Variants in CSMD3 observed in about 807,000 individuals in gnomAD.
CSMD3 encodes the protein CUB and sushi domain-containing protein 3.
A neutral mutation model predicts 435.2 loss-of-function variants in CSMD3; 177 were observed. The observed-to-expected ratio is 0.41, with a 90% CI of 0.36 to 0.46. CSMD3 has a LOEUF of 0.46. CSMD3 is among the 20% of genes least tolerant of loss of function. CSMD3 has a pLI of 0.34. For synonymous variants in CSMD3, 1,656 were observed against 1,520.5 expected, an observed-to-expected ratio of 1.09 and a Z score of -2.07; for missense variants, 4,265 against 4,504.6, an observed-to-expected ratio of 0.95 and a Z score of 1.52.
At chr8:112,757,728 T>G (rs770762172) in intron 13 of CSMD3, among the ~76,000 whole-genome samples, 176 of 152,136 alleles carry the variant, frequency 1.2e-3, no homozygotes, top group Middle Eastern at 3.4e-3. Flanking sequence ...AATAAGAGAT[T>G]TTCAAGATTG....
chr8:112,365,472 T>G lies in CSMD3; in HGVS notation c.6137-12938A>C, dbSNP rs1170295745. ...AAAAAATTACGCATAGATTTCCTTT[T>G]TTTTTTTTTTTTTTTTTTTTACCAA... On this transcript the variant is annotated intron_variant, in intron 38 of 70. Coordinates refer to ENST00000297405, the MANE Select transcript of CSMD3 (RefSeq NM_198123.2). 6.4e-4 allele frequency among the ~76,000 whole-genome samples: 33 copies of G among 51,656 alleles called. 1 individual carries two copies. In the East Asian group the frequency reaches 9.5e-3, roughly 15 times the overall value. The allele number at this position is 51,656 out of a possible 152,430, so 33.9% of individuals were successfully genotyped here.
chr8:113,361,896 C>T (rs2094279806), intron 1 of CSMD3, among the ~76,000 whole-genome samples: 1 of 152,114 alleles, frequency 6.6e-6, no homozygotes, highest in Non-Finnish European at 1.5e-5. Flanking sequence ...ACCAATTTAG[C>T]TTATACTCAA....
At chr8:112,440,302 C>T (rs1225339215) in intron 32 of CSMD3, among the ~76,000 whole-genome samples, 1 of 152,186 alleles carries the variant, frequency 6.6e-6, no homozygotes, top group Non-Finnish European at 1.5e-5. Flanking sequence ...CTCCATGTCT[C>T]ACATCCAGGT....
intron 6 of CSMD3, among the ~76,000 whole-genome samples, chr8:112,988,708 G>A (rs1347689686): frequency 6.6e-6 from 1 of 151,860 alleles, no homozygotes; most frequent in Non-Finnish European, 1.5e-5. Flanking sequence ...TTTTTTCCCA[G>A]TCACACATCA....
chr8:112,255,806 C>A (rs1238615597), intron 61 of CSMD3: 3 of 257,146 alleles, frequency 1.2e-5, no homozygotes, highest in Non-Finnish European at 2.3e-5. Context: ...CAAAAAGAAG[C>A]AACCCATAAT....
chr8:112,852,430 G>A (rs555966575), intron 11 of CSMD3, among the ~76,000 whole-genome samples: 1 of 152,150 alleles, frequency 6.6e-6, no homozygotes, highest in Admixed American at 6.5e-5. Context: ...ACAAGAAAGG[G>A]ACTGCATGCT....
rs372441549 is a variant in CSMD3, at chr8:113,179,781, C to A, written c.515-5865G>T. Reference sequence around the variant, plus strand: ...GAGAACAAAATTTTTGTTATGGTTTCCTTGGATAAATGAAATAAAACTCTA... The same window carrying A: ...GAGAACAAAATTTTTGTTATGGTTTACTTGGATAAATGAAATAAAACTCTA... On this transcript the variant is annotated intron_variant, in intron 3 of 70. Coordinates refer to ENST00000297405, the MANE Select transcript of CSMD3 (RefSeq NM_198123.2). Among the ~76,000 whole-genome samples, 106 of 151,510 alleles carry A rather than the reference C, an allele frequency of 7.0e-4. No homozygotes were observed. The South Asian group carries it at 0.022, about 31-fold the overall frequency.
chr8:112,741,331 G>A (rs2077299489), intron 13 of CSMD3, among the ~76,000 whole-genome samples: 1 of 151,890 alleles, frequency 6.6e-6, no homozygotes, highest in South Asian at 2.1e-4. Flanking sequence ...ACATATTAGT[G>A]GCCAATGGGT....
intron 58 of CSMD3, among the ~76,000 whole-genome samples, chr8:112,281,798 C>T (rs1403019016): frequency 3.9e-5 from 6 of 152,050 alleles, no homozygotes; most frequent in Non-Finnish European, 8.8e-5. Context: ...ATATTGTAAG[C>T]ATCTATGTAT....
At chr8:112,406,756 T>C (rs771498344) in intron 34 of CSMD3, 29 bp from the exon 35 acceptor site, 4 of 1,366,300 alleles carry the variant, frequency 2.9e-6, no homozygotes, top group Non-Finnish European at 4.1e-6. Flanking sequence ...TTTATTTTAA[T>C]TTTATATGGT....
intron 5 of CSMD3, among the ~76,000 whole-genome samples, chr8:113,059,181 T>G (rs1375401287): frequency 6.6e-6 from 1 of 152,180 alleles, no homozygotes; most frequent in Non-Finnish European, 1.5e-5. Context: ...TGTAGGCATC[T>G]CAAAGCAATT....
chr8:112,449,421 A>G (rs1169221156), intron 32 of CSMD3, among the ~76,000 whole-genome samples: 1 of 151,938 alleles, frequency 6.6e-6, no homozygotes, highest in Non-Finnish European at 1.5e-5. Context: ...TCTGGGAGTG[A>G]GGTTGGGGGC....
intron 22 of CSMD3, among the ~76,000 whole-genome samples, chr8:112,618,703 T>A (rs1228149100): frequency 1.3e-5 from 2 of 152,016 alleles, no homozygotes; most frequent in African/African-American, 4.8e-5. Context: ...GTTGAAAATC[T>A]AGGCCAGAAC....
intron 5 of CSMD3, among the ~76,000 whole-genome samples, chr8:113,064,348 A>C (rs576466720): frequency 6.6e-6 from 1 of 152,164 alleles, no homozygotes; most frequent in South Asian, 2.1e-4. Flanking sequence ...CCATTTCATT[A>C]AAATATATAG....
At chr8:113,376,580 A>T (rs2094384571) in intron 1 of CSMD3, 1 of 732,458 alleles carries the variant, frequency 1.4e-6, no homozygotes, top group East Asian at 2.9e-5. Flanking sequence ...TAATATATAA[A>T]AAAATTGATA....
chr8:113,132,509 C>T (rs1168691033), intron 4 of CSMD3, among the ~76,000 whole-genome samples: 1 of 152,038 alleles, frequency 6.6e-6, no homozygotes, highest in Non-Finnish European at 1.5e-5. Context: ...CTTCCTCCTG[C>T]TCCACCACGC....
chr8:112,469,065 G>A (rs1162952172), intron 32 of CSMD3, among the ~76,000 whole-genome samples: 1 of 148,928 alleles, frequency 6.7e-6, no homozygotes, highest in Non-Finnish European at 1.5e-5. Flanking sequence ...GTAATATTAT[G>A]CACATATTTA....
At chr8:112,853,078 A>G (rs2080540544) in intron 11 of CSMD3, among the ~76,000 whole-genome samples, 2 of 152,162 alleles carry the variant, frequency 1.3e-5, no homozygotes, top group African/African-American at 4.8e-5. Flanking sequence ...TTCCACGGAT[A>G]TTTGTTTCCT....
intron 6 of CSMD3, among the ~76,000 whole-genome samples, chr8:112,998,382 C>A (rs2085734721): frequency 6.6e-6 from 1 of 151,804 alleles, no homozygotes; most frequent in Admixed American, 6.6e-5. Context: ...CTCGCCTGAA[C>A]CATTATTTTC....
Sources: allele counts gnomAD v4.1 joint callset (sites outside exome capture counted in the v4.1 genomes callset), GRCh38; gene constraint gnomAD v4.1.1; transcripts MANE v1.5; gene names NCBI Gene and HGNC (gene_info 2026-07-23, HGNC 2026-07-21).